The following OVCH2 variants were observed in gnomAD, a reference collection of about 807,000 sequenced individuals.
The protein encoded by OVCH2 is ovochymase-2.
A neutral mutation model predicts 73.7 loss-of-function variants in OVCH2; 88 were observed. The ratio of observed to expected loss-of-function variants is 1.19; its 90% CI spans 1.01 to 1.43. OVCH2 has a LOEUF of 1.43. Ranked by LOEUF, OVCH2 falls within the 40% of genes most tolerant of loss-of-function variation. The pLI is 0.00. For missense variants in OVCH2, 706 were observed against 674.5 expected (o/e 1.05, Z -0.52); for synonymous variants, 265 against 234.5 (o/e 1.13, Z -1.19).
intron 1 of OVCH2, chr11:7,705,527 T>G (rs1856514724): frequency 6.6e-6 from 1 of 152,172 alleles, no homozygotes; most frequent in African/African-American, 2.4e-5. Flanking sequence ...TCAAAGCTCT[T>G]TCATACAGCT....
intron 4 of OVCH2, 83 bp downstream of exon 4, chr11:7,702,074 C>T (rs921232626): frequency 6.6e-5 from 83 of 1,260,508 alleles, no homozygotes; most frequent in Non-Finnish European, 8.8e-5. Context: ...TGACCCAGAA[C>T]GTATACTGCA....
Position 7,704,688 on chromosome 11 carries a change from G to T in OVCH2, c.89-14C>A. 1.3e-6 allele frequency: 2 copies of T among 1,544,954 alleles called. No homozygotes were observed. Among genetic ancestry groups the T allele is most frequent in the South Asian group, 1.1e-5 (1 of 87,502 alleles). On this transcript the variant is annotated splice_polypyrimidine_tract_variant and intron_variant, in intron 1 of 15. Transcript: ENST00000533663. ...CACAACTGGGAGCTGAGAAAAAAAC[G>T]AGACAAACTAAATGATTAGATAGCT...
At chr11:7,685,428 G>A (rs1324210239), downstream of OVCH2, among the ~76,000 whole-genome samples, 2 of 150,778 alleles carry the variant, frequency 1.3e-5, no homozygotes, top group Non-Finnish European at 2.9e-5. Context: ...ACCTGCTGAG[G>A]AGGCCCCAGG....
intron 7 of OVCH2, chr11:7,699,039 A>G (rs1048429815): frequency 7.3e-6 from 3 of 411,384 alleles, no homozygotes; most frequent in South Asian, 2.7e-5. Context: ...GTCATTTTAC[A>G]TAAGAACAGA....
chr11:7,704,380 A>G (rs1341655217), intron 2 of OVCH2, among the ~76,000 whole-genome samples, 185 bp downstream of exon 2: 2 of 152,188 alleles, frequency 1.3e-5, no homozygotes, highest in East Asian at 3.8e-4. Context: ...ATTTGATTCT[A>G]AAATGACTTA....
intron 4 of OVCH2, 70 bp downstream of exon 4, chr11:7,702,087 A>G: frequency 7.3e-7 from 1 of 1,363,394 alleles, no homozygotes; most frequent in Non-Finnish European, 1.0e-6. Flanking sequence ...ATACTGCAGG[A>G]AATGTGCTAT....
intron 11 of OVCH2, 125 bp from the exon 12 acceptor site, chr11:7,695,313 A>T: frequency 8.1e-7 from 1 of 1,227,018 alleles, no homozygotes; most frequent in Non-Finnish European, 1.1e-6. Flanking sequence ...GCGAACAAGA[A>T]AAGACGTAGT....
At chr11:7,706,204 G>T in intron 1 of OVCH2, 103 bp downstream of exon 1, 1 of 1,171,886 alleles carries the variant, frequency 8.5e-7, no homozygotes, top group Non-Finnish European at 1.2e-6. Context: ...AAATATATTT[G>T]CTTCTCCTAT....
At chr11:7,693,659 G>A (rs1856263600) in intron 12 of OVCH2, among the ~76,000 whole-genome samples, 1 of 152,128 alleles carries the variant, frequency 6.6e-6, no homozygotes, top group Non-Finnish European at 1.5e-5. Flanking sequence ...TAATTCTGCT[G>A]AAATTTTTGC....
intron 10 of OVCH2, among the ~76,000 whole-genome samples, chr11:7,696,149 AG>A (rs1856327581): frequency 6.6e-6 from 1 of 152,200 alleles, no homozygotes; most frequent in African/African-American, 2.4e-5. Context: ...CAGCTAGGAA[AG>A]CAGTGAGCTG....
At chr11:7,695,497 C>G in intron 11 of OVCH2, 73 bp downstream of exon 11, 2 of 1,416,088 alleles carry the variant, frequency 1.4e-6, no homozygotes, top group Non-Finnish European at 1.9e-6. Flanking sequence ...CCCTGCCACT[C>G]ACCTAATTCC....
At chr11:7,702,082 G>A in intron 4 of OVCH2, 75 bp downstream of exon 4, 1 of 1,327,398 alleles carries the variant, frequency 7.5e-7, no homozygotes, top group Non-Finnish European at 1.1e-6. Flanking sequence ...AACGTATACT[G>A]CAGGAAATGT....
downstream of OVCH2, among the ~76,000 whole-genome samples, chr11:7,684,945 A>G (rs185047525): frequency 1.4e-3 from 215 of 152,270 alleles, no homozygotes; most frequent in Non-Finnish European, 2.7e-3. Context: ...AGCCTGCCAG[A>G]CTTATCTTAA....
chr11:7,690,878 T>C (rs1170335140), intron 14 of OVCH2, among the ~76,000 whole-genome samples: 1 of 152,192 alleles, frequency 6.6e-6, no homozygotes, highest in Non-Finnish European at 1.5e-5. Flanking sequence ...CAAAACTCTG[T>C]GGTGTGCCTC....
chr11:7,704,217 C>T (rs1053657714), intron 2 of OVCH2, among the ~76,000 whole-genome samples: 1 of 152,162 alleles, frequency 6.6e-6, no homozygotes, highest in African/African-American at 2.4e-5. Context: ...AACACATACT[C>T]CTATTTCTCT....
Position 7,704,668 on chromosome 11 carries a change from C to G in OVCH2, c.95G>C (p.Ser32Thr). The change falls in exon 2 of 16, where the codon AGT (serine) becomes ACT (threonine). Residue 32 changes from serine (S) to threonine (T), a missense_variant. Ser to Thr is a moderately conservative substitution (Grantham distance 58). Coordinates refer to ENST00000533663, the MANE Select transcript of OVCH2 (RefSeq NM_198185.7). ...TACCTTAACCAGACTCTGCCCACAA[C>G]TGGGAGCTGAGAAAAAAACGAGACA... Reference protein sequence around the residue: ...SATLSLPKAPSCGQSLVKVQP... With the variant: ...SATLSLPKAPTCGQSLVKVQP... The G allele has an allele frequency of 6.2e-7, 1 of 1,608,010 alleles. No individual in the cohort carries two copies. Among genetic ancestry groups the G allele is most frequent in the Non-Finnish European group, 8.5e-7 (1 of 1,176,586 alleles).
the OVCH2 span, among the ~76,000 whole-genome samples, chr11:7,679,604 C>T: frequency 2.0e-5 from 3 of 152,272 alleles, no homozygotes; most frequent in African/African-American, 4.8e-5. Flanking sequence ...TCCCCTTCAC[C>T]CTCTGACATG....
rs573647906 is a variant in OVCH2, at chr11:7,690,109, C to T, written c.1640-96G>A. On this transcript the variant is annotated intron_variant, in intron 14 of 15. Coordinates refer to ENST00000533663, the MANE Select transcript of OVCH2 (RefSeq NM_198185.7). ...GATTTATGAAGCTATTGTTAGAATT[C>T]TGGGGCACCTCAGCCAGCTAGACTC... 184 of 874,422 alleles carry T rather than the reference C, an allele frequency of 2.1e-4. 2 individuals carry two copies. The East Asian group carries it at 4.8e-3, about 23-fold the overall frequency. 54.2% of individuals were successfully genotyped at this position (874,422 alleles called of 1,614,324 possible). A position where few individuals can be genotyped will look rare whatever the true frequency, so the allele number is the denominator to read the frequency against.
At chr11:7,684,470 C>CTATA (rs755430614), downstream of OVCH2, among the ~76,000 whole-genome samples, 65 of 120,614 alleles carry the variant, frequency 5.4e-4, 1 homozygote, top group East Asian at 4.4e-3. Flanking sequence ...GCCCTCAAAC[C>CTATA]TATATATATA....
Sources: gnomAD v4.1 joint callset for allele counts (sites outside exome capture counted in the v4.1 genomes callset) on GRCh38, gnomAD v4.1.1 for gene constraint, MANE v1.5 for transcripts, NCBI Gene and HGNC (gene_info 2026-07-23, HGNC 2026-07-21) for gene names.